FAM193A: variants seen among roughly 807,000 people sequenced by gnomAD.
FAM193A encodes family with sequence similarity 193 member A.
FAM193A carries 22 observed loss-of-function variants against 126.5 expected under a neutral mutation model. That is an observed-to-expected ratio of 0.17 (90% CI 0.12 to 0.25). FAM193A has a LOEUF of 0.25. FAM193A is among the 10% of genes least tolerant of loss of function. FAM193A has a pLI of 1.00. For missense variants in FAM193A, 1,675 were observed against 1,672.8 expected (o/e 1.00, Z -0.02); for synonymous variants, 761 against 646.8 (o/e 1.18, Z -2.68).
intron 7 of FAM193A, among the ~76,000 whole-genome samples, chr4:2,652,992 G>A (rs957450567): frequency 2.0e-5 from 3 of 152,192 alleles, no homozygotes; most frequent in African/African-American, 7.2e-5. Context: ...AGCCAGGCAG[G>A]CCTGTTGGGG....
chr4:2,591,306 A>G (rs937407177), intron 1 of FAM193A, among the ~76,000 whole-genome samples: 3 of 152,162 alleles, frequency 2.0e-5, no homozygotes. Context: ...TGATTTTGCA[A>G]GAACACACTG....
At chr4:2,599,055 A>G (rs1053948418) in intron 2 of FAM193A, among the ~76,000 whole-genome samples, 5 of 152,186 alleles carry the variant, frequency 3.3e-5, no homozygotes, top group Non-Finnish European at 5.9e-5. Context: ...CTCCAGGACA[A>G]GGAGAAAGGC....
chr4:2,730,848 G>A (rs1048367951), intron 20 of FAM193A, among the ~76,000 whole-genome samples: 2 of 150,334 alleles, frequency 1.3e-5, no homozygotes, highest in African/African-American at 2.5e-5. Context: ...AGCCAAGATC[G>A]TGCCACTGCA....
At chr4:2,643,976 T>C (rs1416224191) in intron 6 of FAM193A, among the ~76,000 whole-genome samples, 2 of 152,236 alleles carry the variant, frequency 1.3e-5, no homozygotes, top group East Asian at 1.9e-4. Flanking sequence ...TTTCATTCTC[T>C]TTATCAATAA....
chr4:2,609,139 G>T (rs34421311), intron 2 of FAM193A, among the ~76,000 whole-genome samples: 1 of 151,786 alleles, frequency 6.6e-6, no homozygotes, highest in East Asian at 1.9e-4. Flanking sequence ...TGATCCACCC[G>T]CCTCGGCCTT....
chr4:2,586,391 G>T (rs1227251150), intron 1 of FAM193A, among the ~76,000 whole-genome samples: 2 of 151,936 alleles, frequency 1.3e-5, no homozygotes, highest in African/African-American at 4.8e-5. Context: ...TATAATTAAA[G>T]AATTGATTTT....
intron 20 of FAM193A, among the ~76,000 whole-genome samples, chr4:2,731,211 A>C (rs1027179406): frequency 1.3e-5 from 2 of 148,530 alleles, no homozygotes; most frequent in African/African-American, 4.9e-5. Context: ...AAAAAAAAAA[A>C]AAAAAAAAAA....
In FAM193A at chr4:2,700,742, C is replaced by G. The variant is rs1364064799; in HGVS notation, c.4372+198C>G. Among the ~76,000 whole-genome samples, 4 of 152,082 alleles carry G rather than the reference C, an allele frequency of 2.6e-5. No individual in the cohort carries two copies. The East Asian group carries it at 5.8e-4, about 22-fold the overall frequency. On this transcript the variant is annotated intron_variant, in intron 19 of 20. Transcript: ENST00000637812. Reference sequence around the variant, plus strand: ...TTGTGAGGCCAGGGTGGGCAGATCACCAGAGGTTAAGAGTTCGAGACCAGC... The same window carrying G: ...TTGTGAGGCCAGGGTGGGCAGATCAGCAGAGGTTAAGAGTTCGAGACCAGC...
rs894509545 is a variant in FAM193A, at chr4:2,678,894, C to T, written c.2331+6522C>T. ...CAGAGATAATTTTACTTCTTCCTTT[C>T]CAGTTTAGATGCCTTTTATTTCTTT... On this transcript the variant is annotated intron_variant, in intron 13 of 20. Coordinates refer to ENST00000637812, the MANE Select transcript of FAM193A (RefSeq NM_001366318.2). Among the ~76,000 whole-genome samples, 44 of 152,196 alleles carry T rather than the reference C, an allele frequency of 2.9e-4. 1 individual carries two copies. Among genetic ancestry groups the T allele is most frequent in the Admixed American group, 2.2e-3 (34 of 15,284 alleles).
intron 19 of FAM193A, among the ~76,000 whole-genome samples, chr4:2,703,182 C>T (rs79730507): frequency 0.036 from 5,427 of 152,212 alleles, 136 homozygotes; most frequent in South Asian, 0.051. Flanking sequence ...TTAAAGTGTA[C>T]GATGATTTCT....
chr4:2,565,947 G>A (rs1738914439), intron 1 of FAM193A, among the ~76,000 whole-genome samples: 1 of 152,154 alleles, frequency 6.6e-6, no homozygotes, highest in African/African-American at 2.4e-5. Context: ...ATAAGTGGCT[G>A]TCAGTAGAAA....
intron 20 of FAM193A, chr4:2,720,087 A>G: frequency 6.4e-6 from 1 of 156,578 alleles, no homozygotes. Context: ...GAGCCCCCGC[A>G]CCCAGCTAGA....
intron 1 of FAM193A, among the ~76,000 whole-genome samples, chr4:2,550,847 C>T (rs1426739626): frequency 6.6e-6 from 1 of 151,068 alleles, no homozygotes; most frequent in Non-Finnish European, 1.5e-5. Flanking sequence ...GTCTCCCAGG[C>T]TGGAGTGCAG....
chr4:2,639,963 C>A, intron 6 of FAM193A, 104 bp downstream of exon 6: 2 of 1,139,962 alleles, frequency 1.8e-6, no homozygotes, highest in Middle Eastern at 4.5e-4. Flanking sequence ...AAAGTTCTTG[C>A]AGGAAAAATA....
chr4:2,582,144 C>T (rs1239615259), intron 1 of FAM193A, among the ~76,000 whole-genome samples: 1 of 151,980 alleles, frequency 6.6e-6, no homozygotes, highest in South Asian at 2.1e-4. Flanking sequence ...TCAGTCTCTC[C>T]TCTCCTCCTC....
chr4:2,613,956 G>A (rs534693648), intron 2 of FAM193A, among the ~76,000 whole-genome samples: 1 of 151,138 alleles, frequency 6.6e-6, no homozygotes, highest in African/African-American at 2.4e-5. Context: ...TGTATTTTTA[G>A]TAGAGACGGG....
chr4:2,694,064 C>T (rs1486352409), intron 16 of FAM193A, among the ~76,000 whole-genome samples, 190 bp downstream of exon 16: 2 of 152,188 alleles, frequency 1.3e-5, no homozygotes, highest in Non-Finnish European at 2.9e-5. Flanking sequence ...TGTAGTTTTG[C>T]AGAGGGAAGA....
At chr4:2,538,967 C>T (rs138598873) in intron 1 of FAM193A, among the ~76,000 whole-genome samples, 431 of 151,974 alleles carry the variant, frequency 2.8e-3, no homozygotes, top group African/African-American at 7.9e-3. Flanking sequence ...CTTGGCGCAC[C>T]GTAACCTCTG....
intron 20 of FAM193A, among the ~76,000 whole-genome samples, chr4:2,728,025 G>A (rs1013626989): frequency 6.6e-6 from 1 of 151,778 alleles, no homozygotes; most frequent in Non-Finnish European, 1.5e-5. Flanking sequence ...TCCGCCTGCC[G>A]GGTTCAAGCG....
Sources: gnomAD v4.1 joint callset for allele counts (sites outside exome capture counted in the v4.1 genomes callset) on GRCh38, gnomAD v4.1.1 for gene constraint, MANE v1.5 for transcripts, NCBI Gene and HGNC (gene_info 2026-07-23, HGNC 2026-07-21) for gene names.